SENP8: variants seen among roughly 807,000 people sequenced by gnomAD.
SENP8 encodes sentrin-specific protease 8.
SENP8 carries 10 observed loss-of-function variants against 14.4 expected under a neutral mutation model. That is an observed-to-expected ratio of 0.69 (90% CI 0.43 to 1.18). The LOEUF (loss-of-function observed/expected upper bound fraction) is 1.18. Among genes scored for constraint, SENP8 ranks in the 50% most tolerant of loss-of-function variants. SENP8 has a pLI of 0.00. For synonymous variants in SENP8, 94 were observed against 95.5 expected, an observed-to-expected ratio of 0.98 and a Z score of 0.09; for missense variants, 202 against 249.4, an observed-to-expected ratio of 0.81 and a Z score of 1.28.
In SENP8 at chr15:72,140,181, G is replaced by A; in HGVS notation, c.558G>A (p.Leu186=). 2 of 1,614,146 alleles carry A rather than the reference G, an allele frequency of 1.2e-6. No individual in the cohort carries two copies. Among genetic ancestry groups the A allele is most frequent in the Non-Finnish European group, 1.7e-6 (2 of 1,180,010 alleles). Residue 186 remains leucine (L), a synonymous_variant, in exon 2 of 2, where the codon CTG becomes CTA. Coordinates refer to ENST00000340912, the MANE Select transcript of SENP8 (RefSeq NM_145204.4). ...TCTTTAGGCAACAGACAGAATCACT[G>A]CTGCAGCTACTCACCCCTGCATACA... ...QNFFRQQTES[L]LQLLTPAYIT...
At chr15:72,138,630 G>A (rs190033276) in intron 1 of SENP8, among the ~76,000 whole-genome samples, 22 of 151,254 alleles carry the variant, frequency 1.5e-4, no homozygotes, top group South Asian at 6.3e-4. Flanking sequence ...GATTTCAGGC[G>A]TGAGCCACAG....
At chr15:72,125,008 C>T (rs77343980) in intron 1 of SENP8, among the ~76,000 whole-genome samples, 2,262 of 152,096 alleles carry the variant, frequency 0.015, 54 homozygotes, top group African/African-American at 0.052. Flanking sequence ...ACTATTCCAT[C>T]GTGTGGAAAC....
intron 1 of SENP8, among the ~76,000 whole-genome samples, chr15:72,120,170 A>G (rs930659015): frequency 6.6e-5 from 10 of 152,200 alleles, no homozygotes; most frequent in African/African-American, 2.4e-4. Context: ...ATTATTTATC[A>G]TTTAAGTTAG....
At chr15:72,115,561 A>G (rs1349510700), upstream of SENP8, among the ~76,000 whole-genome samples, 1 of 152,236 alleles carries the variant, frequency 6.6e-6, no homozygotes, top group African/African-American at 2.4e-5. Flanking sequence ...GTTCAGATCC[A>G]GTCTCACCAT....
chr15:72,121,618 A>G (rs374540050), intron 1 of SENP8, among the ~76,000 whole-genome samples: 1 of 151,712 alleles, frequency 6.6e-6, no homozygotes, highest in East Asian at 1.9e-4. Flanking sequence ...CTGTGGTCCC[A>G]TCTACACGGG....
chr15:72,131,568 AT>A (rs1431765379), intron 1 of SENP8, among the ~76,000 whole-genome samples: 1 of 152,200 alleles, frequency 6.6e-6, no homozygotes, highest in East Asian at 1.9e-4. Flanking sequence ...TTTAGGATTA[AT>A]AAGAAGTAAT....
At chr15:72,116,609 C>T (rs1015667064), upstream of SENP8, among the ~76,000 whole-genome samples, 4 of 152,072 alleles carry the variant, frequency 2.6e-5, no homozygotes, top group East Asian at 7.7e-4. Context: ...ATTTTTCTAG[C>T]AAATCCAAAA....
At chr15:72,123,779 A>T (rs1328711377) in intron 1 of SENP8, among the ~76,000 whole-genome samples, 1 of 152,192 alleles carries the variant, frequency 6.6e-6, no homozygotes, top group Non-Finnish European at 1.5e-5. Context: ...ACCTCAGGTG[A>T]TCCACCCGCC....
At chr15:72,124,869 TTGA>T (rs1416622108) in intron 1 of SENP8, among the ~76,000 whole-genome samples, 1 of 152,220 alleles carries the variant, frequency 6.6e-6, no homozygotes, top group South Asian at 2.1e-4. Flanking sequence ...ATATTTACAC[TTGA>T]TGGATATCGT....
intron 1 of SENP8, among the ~76,000 whole-genome samples, chr15:72,135,652 G>T (rs763667770): frequency 4.1e-4 from 63 of 152,134 alleles, no homozygotes; most frequent in Non-Finnish European, 7.6e-4. Flanking sequence ...TAGAATTTTT[G>T]GAGTTAAACT....
intron 1 of SENP8, among the ~76,000 whole-genome samples, chr15:72,124,251 T>C (rs971024570): frequency 4.6e-5 from 7 of 152,234 alleles, no homozygotes; most frequent in Admixed American, 3.9e-4. Context: ...AAATATTTAT[T>C]TATTAAAACT....
In SENP8 at chr15:72,142,869, C is replaced by T. The variant is rs560543032; in HGVS notation, c.*2607C>T. Reference sequence around the variant, plus strand: ...ATATTGACCGTATGTTTTAATAACACATTCCATTGAAATGACCAAGTAGAA... The same window carrying T: ...ATATTGACCGTATGTTTTAATAACATATTCCATTGAAATGACCAAGTAGAA... On this transcript the variant is annotated 3_prime_UTR_variant, in exon 2 of 2. Coordinates refer to ENST00000340912, the MANE Select transcript of SENP8 (RefSeq NM_145204.4). The T allele has an allele frequency of 6.6e-6, 1 of 152,302 alleles. No individual in the cohort carries two copies. Among genetic ancestry groups the T allele is most frequent in the South Asian group, 2.1e-4 (1 of 4,822 alleles). The allele number at this position is 152,302 out of a possible 1,614,324, so 9.4% of individuals were successfully genotyped here.
At chr15:72,116,262 A>C (rs1016104997), upstream of SENP8, among the ~76,000 whole-genome samples, 1 of 151,600 alleles carries the variant, frequency 6.6e-6, no homozygotes, top group Non-Finnish European at 1.5e-5. Flanking sequence ...TTTTAATGTG[A>C]TTTTCTCCTG....
intron 1 of SENP8, among the ~76,000 whole-genome samples, chr15:72,121,590 A>G (rs924688350): frequency 1.4e-4 from 21 of 151,260 alleles, no homozygotes; most frequent in Non-Finnish European, 2.7e-4. Context: ...AAAATTAGCC[A>G]GACATAGTGG....
chr15:72,136,083 T>A (rs1251248035), intron 1 of SENP8, among the ~76,000 whole-genome samples: 5 of 152,214 alleles, frequency 3.3e-5, no homozygotes, highest in Non-Finnish European at 7.3e-5. Context: ...CAAATTGCTT[T>A]TGTTTGATTG....
At chr15:72,114,703 G>C (rs2080904909), upstream of SENP8, among the ~76,000 whole-genome samples, 2 of 152,160 alleles carry the variant, frequency 1.3e-5, no homozygotes. Context: ...ATATCCATTA[G>C]GCAGTGCTTT....
chr15:72,130,408 G>T (rs1487616184), intron 1 of SENP8, among the ~76,000 whole-genome samples: 2 of 152,128 alleles, frequency 1.3e-5, no homozygotes, highest in East Asian at 3.8e-4. Context: ...TCTGTCCTTA[G>T]AGGTCAAAAG....
chr15:72,127,964 C>T (rs565360175), intron 1 of SENP8, among the ~76,000 whole-genome samples: 4 of 152,108 alleles, frequency 2.6e-5, no homozygotes, highest in East Asian at 1.9e-4. Context: ...GTGGTATGCA[C>T]GTATAGTGCA....
chr15:72,131,125 GC>G (rs796990265), intron 1 of SENP8, among the ~76,000 whole-genome samples: 14 of 152,316 alleles, frequency 9.2e-5, no homozygotes, highest in African/African-American at 3.1e-4. Flanking sequence ...ATGGCCTTGA[GC>G]CCAAGAGTTC....
Sources: allele counts gnomAD v4.1 joint callset (sites outside exome capture counted in the v4.1 genomes callset), GRCh38; gene constraint gnomAD v4.1.1; transcripts MANE v1.5; gene names NCBI Gene and HGNC (gene_info 2026-07-23, HGNC 2026-07-21).